The following ANKMY2 variants were observed in gnomAD, a reference collection of about 807,000 sequenced individuals.
The protein encoded by ANKMY2 is ankyrin repeat and MYND domain-containing protein 2.
Under a neutral mutation model 50.4 loss-of-function variants are expected in ANKMY2, and 36 were observed. That is an observed-to-expected ratio of 0.71 (90% CI 0.55 to 0.94). ANKMY2 has a LOEUF of 0.94. Among genes scored for constraint, ANKMY2 ranks in the 40% least tolerant of loss-of-function variants. The probability of loss-of-function intolerance (pLI) is 0.00; values close to 1 mark genes in which losing one functional copy is unlikely to be tolerated. For synonymous variants in ANKMY2, 187 were observed against 178.8 expected, an observed-to-expected ratio of 1.05 and a Z score of -0.36; for missense variants, 565 against 524.0, an observed-to-expected ratio of 1.08 and a Z score of -0.76.
At chr7:16,640,709 A>G (rs10232057) in intron 1 of ANKMY2, among the ~76,000 whole-genome samples, 48,810 of 151,640 alleles carry the variant, frequency 0.32, 8,881 homozygotes, top group Non-Finnish European at 0.4. Flanking sequence ...TTTTGTAACA[A>G]CGGGGTCTCA....
rs1182719460 is a variant in ANKMY2, at chr7:16,625,094, A to T, written c.272-13T>A. On this transcript the variant is annotated splice_polypyrimidine_tract_variant and intron_variant, in intron 3 of 9. Transcript: ENST00000306999. Reference sequence around the variant, plus strand: ...ATGTCTTTATTACCTAGAGTTTTAAAGGGAACACATTTGTTAATGTTAAGG... The same window carrying T: ...ATGTCTTTATTACCTAGAGTTTTAATGGGAACACATTTGTTAATGTTAAGG... The T allele has an allele frequency of 6.3e-7, 1 of 1,599,294 alleles. No individual in the cohort carries two copies. The highest frequency in any genetic ancestry group is 1.3e-5 in the African/African-American group (1 of 74,712).
At position 16,609,772 on chromosome 7, in the gene ANKMY2, G is replaced by A. The variant is rs767327718; in HGVS notation, c.747-7C>T. The stretch of plus-strand genomic sequence containing the variant: ...AGCTCGGCCTTTTAACAAGCTGAAA[G>A]ATATTTTTTAAAGCGTAATTGGAGT... On this transcript the variant is annotated splice_region_variant and splice_polypyrimidine_tract_variant and intron_variant, in intron 6 of 9. Coordinates refer to ENST00000306999, the MANE Select transcript of ANKMY2 (RefSeq NM_020319.3). 4 of 1,607,526 alleles carry A rather than the reference G, an allele frequency of 2.5e-6. No homozygotes were observed. The Admixed American group carries it at 6.8e-5, about 27-fold the overall frequency.
At chr7:16,643,069 T>C (rs1429720524) in intron 1 of ANKMY2, among the ~76,000 whole-genome samples, 2 of 152,210 alleles carry the variant, frequency 1.3e-5, no homozygotes, top group Non-Finnish European at 2.9e-5. Context: ...ACAAGCAGTA[T>C]TTCGAATGCT....
At chr7:16,630,803 A>C (rs1433325258) in intron 2 of ANKMY2, among the ~76,000 whole-genome samples, 1 of 152,180 alleles carries the variant, frequency 6.6e-6, no homozygotes, top group Non-Finnish European at 1.5e-5. Flanking sequence ...CATTCAAGGA[A>C]TGTCCCGCTG....
At position 16,600,733 on chromosome 7, in the gene ANKMY2, T is replaced by C. The variant is rs543387; in HGVS notation, c.*28A>G. ...TTTCCAGCTTCTTGCAGGGTGAGGA[T>C]CATCCACACTGGCACTTGCTCTGGC... On this transcript the variant is annotated 3_prime_UTR_variant, in exon 10 of 10. Transcript: ENST00000306999. 1,172,320 of 1,574,574 alleles carry C rather than the reference T, an allele frequency of 0.74. 438,899 individuals carry two copies. Among genetic ancestry groups the C allele is most frequent in the South Asian group, 0.9 (75,983 of 84,774 alleles).
At chr7:16,641,728 T>C (rs1781747418) in intron 1 of ANKMY2, among the ~76,000 whole-genome samples, 1 of 152,190 alleles carries the variant, frequency 6.6e-6, no homozygotes, top group Non-Finnish European at 1.5e-5. Context: ...CTACATACTA[T>C]TGGTACACAT....
intron 7 of ANKMY2, among the ~76,000 whole-genome samples, chr7:16,605,632 G>C (rs1781144899): frequency 6.7e-6 from 1 of 150,204 alleles, no homozygotes; most frequent in Non-Finnish European, 1.5e-5. Flanking sequence ...TCAGTAGCTG[G>C]GATTGCAGGC....
intron 3 of ANKMY2, among the ~76,000 whole-genome samples, chr7:16,626,682 G>C (rs1331354820): frequency 1.3e-5 from 2 of 152,168 alleles, no homozygotes; most frequent in African/African-American, 2.4e-5. Context: ...AGACGGCTCT[G>C]TCATGGCAAC....
At chr7:16,609,606 C>G in intron 7 of ANKMY2, 24 bp downstream of exon 7, 1 of 1,576,404 alleles carries the variant, frequency 6.3e-7, no homozygotes, top group Non-Finnish European at 8.6e-7. Context: ...CTGATAGAGT[C>G]AACTTAGGTA....
chr7:16,644,045 G>C (rs926408628), intron 1 of ANKMY2, among the ~76,000 whole-genome samples: 1 of 151,988 alleles, frequency 6.6e-6, no homozygotes, highest in Non-Finnish European at 1.5e-5. Flanking sequence ...AGAGAGAGAG[G>C]ACATGTACTA....
At chr7:16,641,466 C>T (rs62440994) in intron 1 of ANKMY2, among the ~76,000 whole-genome samples, 23,116 of 152,134 alleles carry the variant, frequency 0.15, 1,844 homozygotes, top group Middle Eastern at 0.19. Context: ...GGTTGCATAA[C>T]CTGTCCAGCC....
intron 5 of ANKMY2, among the ~76,000 whole-genome samples, chr7:16,612,007 C>G (rs943449140): frequency 4.6e-5 from 7 of 152,170 alleles, no homozygotes; most frequent in Non-Finnish European, 8.8e-5. Flanking sequence ...CACTCACTCT[C>G]CAGTGTCCAC....
At chr7:16,612,198 C>G (rs1781267138) in intron 5 of ANKMY2, among the ~76,000 whole-genome samples, 1 of 152,174 alleles carries the variant, frequency 6.6e-6, no homozygotes, top group Non-Finnish European at 1.5e-5. Flanking sequence ...TGTCAGGGAA[C>G]AACAGGTAGA....
Position 16,625,069 on chromosome 7 carries a change from A to T in ANKMY2, c.284T>A (p.Ile95Asn). 1.9e-6 allele frequency: 3 copies of T among 1,613,644 alleles called. No individual in the cohort carries two copies. Among genetic ancestry groups the T allele is most frequent in the Non-Finnish European group, 2.5e-6 (3 of 1,179,578 alleles). Residue 95 changes from isoleucine to asparagine, a missense_variant, in exon 4 of 10, where the codon ATC (isoleucine) becomes AAC (asparagine). Physicochemically the swap from Ile to Asn is moderately radical, Grantham distance 149 (BLOSUM62 -3). Transcript: ENST00000306999. The part of the protein sequence containing the change: ...MFAALSGNKD[I>N]TWVMLEAGAE... ...ACCAGCTTCTAACATTACCCATGTG[A>T]TGTCTTTATTACCTAGAGTTTTAAA... is the stretch of plus-strand genomic sequence containing the variant.
chr7:16,602,658 T>C, intron 8 of ANKMY2, 149 bp from the exon 9 acceptor site: 1 of 1,088,648 alleles, frequency 9.2e-7, no homozygotes, highest in Non-Finnish European at 1.3e-6. Flanking sequence ...GTTTGGATGT[T>C]GTCCCCTCTA....
chr7:16,632,194 T>C (rs549077056), intron 2 of ANKMY2, among the ~76,000 whole-genome samples: 37 of 151,944 alleles, frequency 2.4e-4, no homozygotes, highest in African/African-American at 6.8e-4. Context: ...TGTATCTATA[T>C]TTTGGTTTTA....
chr7:16,603,413 A>T (rs1236835419), intron 8 of ANKMY2: 2 of 328,168 alleles, frequency 6.1e-6, no homozygotes, highest in Admixed American at 7.7e-5. Flanking sequence ...AACTGGAGAA[A>T]ATATCTAGTA....
chr7:16,633,848 A>G (rs969331448), intron 2 of ANKMY2, among the ~76,000 whole-genome samples: 5 of 152,138 alleles, frequency 3.3e-5, no homozygotes, highest in Non-Finnish European at 7.4e-5. Context: ...GCGATCTTAC[A>G]GATTTCTCCT....
Position 16,645,504 on chromosome 7 carries a change from T to C in ANKMY2, c.67+3A>G. 6.2e-7 allele frequency: 1 copy of C among 1,610,598 alleles called. No individual in the cohort carries two copies. The highest frequency in any genetic ancestry group is 8.5e-7 in the Non-Finnish European group (1 of 1,178,496). On this transcript the variant is annotated splice_donor_region_variant and intron_variant, in intron 1 of 9. Coordinates refer to ENST00000306999, the MANE Select transcript of ANKMY2 (RefSeq NM_020319.3). ...CGGCCGCGTCGCAGCCCAGCACCCG[T>C]ACCTTTCCCGATGACTTCCAGTAGC...
Sources: allele counts gnomAD v4.1 joint callset (sites outside exome capture counted in the v4.1 genomes callset), GRCh38; gene constraint gnomAD v4.1.1; transcripts MANE v1.5; gene names NCBI Gene and HGNC (gene_info 2026-07-23, HGNC 2026-07-21).